Variants in TRHDE observed in about 807,000 individuals in gnomAD.
TRHDE encodes the protein thyrotropin releasing hormone degrading enzyme.
Under a neutral mutation model 125.7 loss-of-function variants are expected in TRHDE, and 72 were observed. The observed-to-expected ratio is 0.57, with a 90% CI of 0.47 to 0.70. TRHDE has a LOEUF of 0.70. Among genes scored for constraint, TRHDE ranks in the 30% least tolerant of loss-of-function variants. TRHDE has a pLI of 0.00. For missense variants in TRHDE, 1,110 were observed against 1,327.1 expected (o/e 0.84, Z 2.54); for synonymous variants, 509 against 509.1 (o/e 1.00, Z 0.00).
intron 2 of TRHDE, among the ~76,000 whole-genome samples, chr12:72,359,508 C>T (rs1044360133): frequency 1.9e-4 from 29 of 151,690 alleles, no homozygotes; most frequent in African/African-American, 6.8e-4. Flanking sequence ...TAGCTAATAT[C>T]AGAAACAATA....
chr12:72,398,091 T>G (rs938177686), intron 3 of TRHDE, among the ~76,000 whole-genome samples: 26 of 151,674 alleles, frequency 1.7e-4, no homozygotes, highest in Non-Finnish European at 3.5e-4. Flanking sequence ...GTGTTTGGTT[T>G]TTTGTTCTTG....
At chr12:72,369,626 G>A (rs1301650919) in intron 2 of TRHDE, among the ~76,000 whole-genome samples, 1 of 152,094 alleles carries the variant, frequency 6.6e-6, no homozygotes, top group African/African-American at 2.4e-5. Flanking sequence ...GCCCCCAGAA[G>A]GAACTTTGAG....
intron 2 of TRHDE, among the ~76,000 whole-genome samples, chr12:72,108,831 C>A (rs1048272406): frequency 6.6e-6 from 1 of 151,972 alleles, no homozygotes; most frequent in Admixed American, 6.6e-5. Flanking sequence ...CACAAACACA[C>A]GAATGGTCTT....
At chr12:72,484,795 C>T (rs542920780) in intron 5 of TRHDE, among the ~76,000 whole-genome samples, 1 of 152,204 alleles carries the variant, frequency 6.6e-6, no homozygotes, top group African/African-American at 2.4e-5. Flanking sequence ...GCAAGATGGC[C>T]AACAAGAAGT....
intron 2 of TRHDE, among the ~76,000 whole-genome samples, chr12:72,163,740 T>TA (rs1876684119): frequency 6.6e-6 from 1 of 152,310 alleles, no homozygotes; most frequent in South Asian, 2.1e-4. Context: ...TTGAATATCT[T>TA]AAAAAAGAAG....
Position 72,618,917 on chromosome 12 carries a change from C to G in TRHDE, c.2348C>G (p.Pro783Arg). 2 of 1,568,298 alleles carry G rather than the reference C, an allele frequency of 1.3e-6. No homozygotes were observed. The highest frequency in any genetic ancestry group is 1.7e-6 in the Non-Finnish European group (2 of 1,158,306). The stretch of plus-strand genomic sequence containing the variant: ...GCTGGCTATTTGCCTCAGAATATTC[C>G]TCTGGAGATTATCAGATACCTGTCT... ...ARAGYLPQNI[P>R]LEIIRYLSEE... Residue 783 changes from proline (P) to arginine (R), a missense_variant, in exon 13 of 19, where the codon CCT becomes CGT. Transcript: ENST00000261180.
rs186156002 is a variant in TRHDE, at chr12:72,371,557, A to G, written c.1189-6438A>G. Among the ~76,000 whole-genome samples, 281 of 150,422 alleles carry G rather than the reference A, an allele frequency of 1.9e-3. 2 individuals are homozygous for G. The highest frequency in any genetic ancestry group is 6.2e-3 in the African/African-American group (251 of 40,642). On this transcript the variant is annotated intron_variant, in intron 2 of 18. Coordinates refer to ENST00000261180, the MANE Select transcript of TRHDE (RefSeq NM_013381.3). ...CCTTCCCCCCTCCCCCAACCCCACAACAGTCCCCAGAGTGTGATGTTCCCC... is the reference window on the plus strand; with the variant it reads ...CCTTCCCCCCTCCCCCAACCCCACAGCAGTCCCCAGAGTGTGATGTTCCCC...
intron 3 of TRHDE, among the ~76,000 whole-genome samples, chr12:72,454,308 T>A (rs910358986): frequency 6.6e-6 from 1 of 152,194 alleles, no homozygotes; most frequent in Non-Finnish European, 1.5e-5. Flanking sequence ...CAATCTAATA[T>A]TTTTTGCAGG....
At chr12:72,541,584 A>C (rs2135986779) in intron 6 of TRHDE, among the ~76,000 whole-genome samples, 1 of 151,658 alleles carries the variant, frequency 6.6e-6, no homozygotes, top group Middle Eastern at 3.4e-3. Context: ...GACAATTTGA[A>C]ATAATACTGG....
intron 5 of TRHDE, among the ~76,000 whole-genome samples, chr12:72,491,311 A>T (rs1877673173): frequency 6.6e-6 from 1 of 151,882 alleles, no homozygotes; most frequent in Non-Finnish European, 1.5e-5. Context: ...ACCTGTTCGT[A>T]ATTATTACTG....
At chr12:72,568,065 T>G (rs1870534805) in intron 9 of TRHDE, among the ~76,000 whole-genome samples, 1 of 152,044 alleles carries the variant, frequency 6.6e-6, no homozygotes, top group Admixed American at 6.6e-5. Flanking sequence ...TTTTTTTTTC[T>G]TTCTGCTGAG....
intron 3 of TRHDE, among the ~76,000 whole-genome samples, chr12:72,443,237 A>T (rs1431088936): frequency 2.3e-5 from 3 of 132,848 alleles, no homozygotes; most frequent in East Asian, 4.1e-4. Context: ...TGTGTTTTCC[A>T]CTACTTTATG....
At chr12:72,312,288 T>C (rs1868582064) in intron 2 of TRHDE, among the ~76,000 whole-genome samples, 1 of 152,188 alleles carries the variant, frequency 6.6e-6, no homozygotes, top group Non-Finnish European at 1.5e-5. Context: ...ACCAGCTAAA[T>C]GTATTGGTAT....
intron 2 of TRHDE, among the ~76,000 whole-genome samples, chr12:72,207,977 C>T (rs1471055445): frequency 6.6e-6 from 1 of 152,196 alleles, no homozygotes; most frequent in African/African-American, 2.4e-5. Flanking sequence ...TGTCTCAGCA[C>T]TGTCGCTGGT....
chr12:72,661,935 T>C (rs1224623616), intron 18 of TRHDE, among the ~76,000 whole-genome samples: 1 of 152,128 alleles, frequency 6.6e-6, no homozygotes, highest in Non-Finnish European at 1.5e-5. Flanking sequence ...AAGGGCTTTG[T>C]AGGAAAGCAG....
chr12:72,569,253 T>G (rs534188780), intron 10 of TRHDE, among the ~76,000 whole-genome samples: 1 of 152,342 alleles, frequency 6.6e-6, no homozygotes, highest in African/African-American at 2.4e-5. Context: ...AAGCTATTTC[T>G]TGAATCCAAA....
At chr12:72,146,915 C>A (rs8181774) in intron 2 of TRHDE, among the ~76,000 whole-genome samples, 5 of 152,098 alleles carry the variant, frequency 3.3e-5, no homozygotes, top group Admixed American at 6.5e-5. Flanking sequence ...GAGATGGATG[C>A]GGAGCCGGAA....
At chr12:72,510,199 T>A (rs1878526188) in intron 6 of TRHDE, among the ~76,000 whole-genome samples, 1 of 152,080 alleles carries the variant, frequency 6.6e-6, no homozygotes, top group Admixed American at 6.6e-5. Context: ...TCTTAGACTT[T>A]GCTTTCCCTA....
chr12:72,184,959 C>G (rs554787704), intron 2 of TRHDE, among the ~76,000 whole-genome samples: 7 of 152,062 alleles, frequency 4.6e-5, no homozygotes, highest in East Asian at 4.0e-4. Context: ...GCCCTTCAGC[C>G]CCCCCACTGC....
Sources: gnomAD v4.1 joint callset for allele counts (sites outside exome capture counted in the v4.1 genomes callset) on GRCh38, gnomAD v4.1.1 for gene constraint, MANE v1.5 for transcripts, NCBI Gene and HGNC (gene_info 2026-07-23, HGNC 2026-07-21) for gene names.